The following MARCHF1 variants were observed in gnomAD, a reference collection of about 807,000 sequenced individuals.
MARCHF1 encodes the protein E3 ubiquitin-protein ligase MARCHF1.
MARCHF1 carries 40 observed loss-of-function variants against 54.2 expected under a neutral mutation model. That is an observed-to-expected ratio of 0.74 (90% confidence interval 0.57 to 0.96). The LOEUF is 0.96. Among genes scored for constraint, MARCHF1 ranks in the 40% least tolerant of loss-of-function variants. MARCHF1 has a pLI of 0.00. For synonymous variants in MARCHF1, 236 were observed against 236.3 expected, an observed-to-expected ratio of 1.00 and a Z score of 0.01; for missense variants, 586 against 656.5, an observed-to-expected ratio of 0.89 and a Z score of 1.17.
chr4:163,713,652 A>G (rs1159558673), intron 4 of MARCHF1, among the ~76,000 whole-genome samples: 1 of 152,182 alleles, frequency 6.6e-6, no homozygotes, highest in African/African-American at 2.4e-5. Flanking sequence ...TTCTGAAGGC[A>G]TTTCTTCTAA....
chr4:163,638,367 A>T (rs1742426862), intron 5 of MARCHF1, among the ~76,000 whole-genome samples: 1 of 151,978 alleles, frequency 6.6e-6, no homozygotes, highest in Non-Finnish European at 1.5e-5. Flanking sequence ...CTTGGTGATG[A>T]GTGAGTTCAT....
intron 2 of MARCHF1, among the ~76,000 whole-genome samples, chr4:164,061,982 G>C (rs1754627094): frequency 6.6e-6 from 1 of 152,126 alleles, no homozygotes. Context: ...TTATTCTGTA[G>C]TATGTGTTTG....
At chr4:163,680,668 T>C (rs911345364) in intron 5 of MARCHF1, among the ~76,000 whole-genome samples, 1 of 152,208 alleles carries the variant, frequency 6.6e-6, no homozygotes, top group Non-Finnish European at 1.5e-5. Context: ...ATTCTATCTT[T>C]AGACTTCTAA....
intron 4 of MARCHF1, among the ~76,000 whole-genome samples, chr4:163,744,736 A>T (rs1401047713): frequency 6.6e-6 from 1 of 152,190 alleles, no homozygotes; most frequent in African/African-American, 2.4e-5. Flanking sequence ...TTATCCTTTT[A>T]CATATGTGTG....
At chr4:163,735,212 A>T (rs1428073546) in intron 4 of MARCHF1, among the ~76,000 whole-genome samples, 2 of 152,008 alleles carry the variant, frequency 1.3e-5, no homozygotes, top group African/African-American at 4.8e-5. Flanking sequence ...AGGACATGTC[A>T]CTCTTCATCC....
intron 1 of MARCHF1, chr4:164,189,293 G>T (rs1731060259): frequency 1.7e-6 from 1 of 594,612 alleles, no homozygotes; most frequent in South Asian, 2.1e-5. Context: ...CATCAAGCAA[G>T]AATTGAAATT....
intron 8 of MARCHF1, among the ~76,000 whole-genome samples, chr4:163,573,568 T>C (rs1440412396): frequency 4.0e-5 from 6 of 149,970 alleles, no homozygotes; most frequent in African/African-American, 7.4e-5. Flanking sequence ...CGGTGTTTGG[T>C]TTTTTGTTCT....
At chr4:163,571,173 C>T (rs1739831138) in intron 8 of MARCHF1, among the ~76,000 whole-genome samples, 1 of 152,096 alleles carries the variant, frequency 6.6e-6, no homozygotes, top group African/African-American at 2.4e-5. Context: ...CCACAAATTT[C>T]CCTTGAGTCA....
chr4:164,259,519 T>C (rs1483123509), intron 1 of MARCHF1, among the ~76,000 whole-genome samples: 2 of 104,288 alleles, frequency 1.9e-5, no homozygotes, highest in Non-Finnish European at 3.6e-5. Flanking sequence ...CACTCCAGTG[T>C]GGGCAACAAA....
chr4:163,751,646 A>G (rs1053143526), intron 4 of MARCHF1, among the ~76,000 whole-genome samples: 1 of 152,190 alleles, frequency 6.6e-6, no homozygotes, highest in Non-Finnish European at 1.5e-5. Context: ...AATTATAAAA[A>G]TGGACTTGTG....
chr4:163,814,437 G>C (rs186090724), intron 4 of MARCHF1, among the ~76,000 whole-genome samples: 1 of 152,074 alleles, frequency 6.6e-6, no homozygotes, highest in Non-Finnish European at 1.5e-5. Flanking sequence ...AAGATTAGCC[G>C]GTTGTGTGTG....
At chr4:163,796,726 TG>T (rs1306012926) in intron 4 of MARCHF1, among the ~76,000 whole-genome samples, 4 of 152,154 alleles carry the variant, frequency 2.6e-5, no homozygotes, top group African/African-American at 4.8e-5. Context: ...CCTATTCTGA[TG>T]TTTTTTTTCC....
At chr4:163,728,805 A>AT (rs1244053008) in intron 4 of MARCHF1, among the ~76,000 whole-genome samples, 2 of 152,108 alleles carry the variant, frequency 1.3e-5, no homozygotes, top group African/African-American at 4.8e-5. Context: ...TTCTTGTCTT[A>AT]TTGCATTAGC....
At chr4:164,124,713 G>T (rs1424147072) in intron 1 of MARCHF1, among the ~76,000 whole-genome samples, 1 of 152,022 alleles carries the variant, frequency 6.6e-6, no homozygotes, top group African/African-American at 2.4e-5. Context: ...TTGTTTGTGG[G>T]ATCTAAAAAT....
At position 163,585,846 on chromosome 4, in the gene MARCHF1, G is replaced by T; in HGVS notation, c.1094C>A (p.Ser365Tyr). The change falls in exon 8 of 10, where the codon TCC (serine) becomes TAC (tyrosine). Residue 365 changes from serine to tyrosine, a missense_variant. Physicochemically the swap from Ser to Tyr is moderately radical, Grantham distance 144. Coordinates refer to ENST00000514618, the MANE Select transcript of MARCHF1 (RefSeq NM_001394959.1). ...GCTCTTTATCCACTGGTGGAGGCAGGACTGGTGGACAAAGCGCAGTGTCCC... is the reference window on the plus strand; with the variant it reads ...GCTCTTTATCCACTGGTGGAGGCAGTACTGGTGGACAAAGCGCAGTGTCCC... Reference protein sequence around the residue: ...CTGTLRFVHQSCLHQWIKSSD... With the variant: ...CTGTLRFVHQYCLHQWIKSSD... 2 of 1,614,048 alleles carry T rather than the reference G, an allele frequency of 1.2e-6. No homozygotes were observed. The highest frequency in any genetic ancestry group is 1.7e-4 in the Middle Eastern group (1 of 6,054).
chr4:163,828,054 C>CACACACAGAGAG (rs774603753), intron 4 of MARCHF1, among the ~76,000 whole-genome samples: 9,677 of 148,196 alleles, frequency 0.065, 467 homozygotes, highest in Non-Finnish European at 0.1. Context: ...CACACACACA[C>CACACACAGAGAG]AGACACACCT....
chr4:163,888,717 G>A (rs976687490), intron 3 of MARCHF1, among the ~76,000 whole-genome samples: 2 of 152,094 alleles, frequency 1.3e-5, no homozygotes, highest in Admixed American at 6.6e-5. Flanking sequence ...AAGCCTATAA[G>A]GCTAAGAATC....
chr4:164,188,951 G>A, intron 1 of MARCHF1: 1 of 746,364 alleles, frequency 1.3e-6, no homozygotes, highest in Non-Finnish European at 2.5e-6. Context: ...AACTATTGCT[G>A]AGCTAAATGT....
intron 1 of MARCHF1, among the ~76,000 whole-genome samples, chr4:164,372,668 G>C (rs965515799): frequency 6.6e-6 from 1 of 151,932 alleles, no homozygotes; most frequent in Non-Finnish European, 1.5e-5. Context: ...ATATGAGATT[G>C]AATGTTTGTG....
Sources: gnomAD v4.1 joint callset for allele counts (sites outside exome capture counted in the v4.1 genomes callset) on GRCh38, gnomAD v4.1.1 for gene constraint, MANE v1.5 for transcripts, NCBI Gene and HGNC (gene_info 2026-07-23, HGNC 2026-07-21) for gene names.